SYNGR4: variants seen among roughly 807,000 people sequenced by gnomAD.
The protein encoded by SYNGR4 is synaptogyrin-4.
Under a neutral mutation model 15.5 loss-of-function variants are expected in SYNGR4, and 15 were observed. The observed-to-expected ratio is 0.97, with a 90% CI of 0.65 to 1.49. The LOEUF (loss-of-function observed/expected upper bound fraction) is 1.49. Ranked by LOEUF, SYNGR4 falls within the 40% of genes most tolerant of loss-of-function variation. SYNGR4 has a pLI of 0.00. For synonymous variants in SYNGR4, 121 were observed against 127.4 expected, an observed-to-expected ratio of 0.95 and a Z score of 0.34; for missense variants, 292 against 299.3, an observed-to-expected ratio of 0.98 and a Z score of 0.18.
chr19:48,368,627 G>T lies in SYNGR4; in HGVS notation c.93+2692G>T, dbSNP rs958257915. Among the ~76,000 whole-genome samples, 10 of 152,210 alleles carry T rather than the reference G, an allele frequency of 6.6e-5. No homozygotes were observed. The East Asian group carries it at 1.4e-3, about 21-fold the overall frequency. On this transcript the variant is annotated intron_variant, in intron 2 of 4. Coordinates refer to ENST00000344846, the MANE Select transcript of SYNGR4 (RefSeq NM_012451.4). ...ACTCCTGACCTCAAATGATCCACCC[G>T]CCTCGGCCTTCCAAAGTGTTGGGAT...
In SYNGR4 at chr19:48,373,590, A is replaced by G; in HGVS notation, c.167A>G (p.His56Arg). The G allele has an allele frequency of 6.2e-7, 1 of 1,613,836 alleles. No individual in the cohort carries two copies. Among genetic ancestry groups the G allele is most frequent in the Non-Finnish European group, 8.5e-7 (1 of 1,180,018 alleles). Residue 56 changes from histidine to arginine, a missense_variant, in exon 3 of 5, where the codon CAC becomes CGC. Coordinates refer to ENST00000344846, the MANE Select transcript of SYNGR4 (RefSeq NM_012451.4). ...YQNKMESPQL[H>R]CILNSNSVAC... ...AACAAGATGGAGTCTCCGCAGCTCC[A>G]CTGCATTCTCAACAGCAACAGCGTG...
At chr19:48,375,506 G>A (rs187060176) in intron 3 of SYNGR4, 107 bp from the exon 4 acceptor site, 11 of 1,404,702 alleles carry the variant, frequency 7.8e-6, no homozygotes, top group South Asian at 2.7e-5. Context: ...TCAATACCTC[G>A]TGGAAGTTCG....
Position 48,376,282 on chromosome 19 carries a change from A to G in SYNGR4, c.669A>G (p.Pro223=). The G allele has an allele frequency of 6.2e-7, 1 of 1,612,980 alleles. No individual in the cohort carries two copies. Among genetic ancestry groups the G allele is most frequent in the Non-Finnish European group, 8.5e-7 (1 of 1,179,728 alleles). ...SSALSPCLTA[P]KSPRLAMMPD... The stretch of plus-strand genomic sequence containing the variant: ...CCCTGTCCCCCTGTCTGACCGCTCC[A>G]AAGTCCCCCCGGCTTGCTATGATGC... The change falls in exon 5 of 5, where the codon CCA becomes CCG. Residue 223 remains proline (P), a synonymous_variant. Coordinates refer to ENST00000344846, the MANE Select transcript of SYNGR4 (RefSeq NM_012451.4).
chr19:48,373,255 T>A, intron 2 of SYNGR4: 1 of 500,054 alleles, frequency 2.0e-6, no homozygotes, highest in Admixed American at 3.3e-5. Flanking sequence ...GGAGATGTGC[T>A]GAGGTGGGGA....
rs1970343163 is a variant in SYNGR4, at chr19:48,373,527, T to C, written c.104T>C (p.Leu35Pro). ...ITRVFEGVFS[L>P]IVFSSLLTDG... ...CCTGGAAATCCACAGGTCTTCTCCC[T>C]GATCGTCTTCTCCTCCCTGCTGACC... Residue 35 changes from leucine (L) to proline (P), a missense_variant, in exon 3 of 5, where the codon CTG (leucine) becomes CCG (proline). Physicochemically the swap from Leu to Pro is moderately conservative, Grantham distance 98 (BLOSUM62 -3). Coordinates refer to ENST00000344846, the MANE Select transcript of SYNGR4 (RefSeq NM_012451.4). 3.1e-6 allele frequency: 5 copies of C among 1,613,560 alleles called. No homozygotes were observed. Among genetic ancestry groups the C allele is most frequent in the Non-Finnish European group, 4.2e-6 (5 of 1,179,932 alleles).
chr19:48,371,738 G>A (rs1251756533), intron 2 of SYNGR4, among the ~76,000 whole-genome samples: 1 of 150,762 alleles, frequency 6.6e-6, no homozygotes, highest in African/African-American at 2.4e-5. Flanking sequence ...CCACCACACT[G>A]AGCTAATTTT....
chr19:48,375,580 C>A (rs777829895), intron 3 of SYNGR4, 33 bp from the exon 4 acceptor site: 3 of 1,594,738 alleles, frequency 1.9e-6, no homozygotes, highest in African/African-American at 1.3e-5. Flanking sequence ...TGAGCTTTCC[C>A]CCTGCCCCTT....
At chr19:48,371,364 C>A (rs1358275082) in intron 2 of SYNGR4, among the ~76,000 whole-genome samples, 1 of 151,286 alleles carries the variant, frequency 6.6e-6, no homozygotes, top group African/African-American at 2.4e-5. Context: ...CATCTACACA[C>A]CAGCTCGTCT....
At position 48,373,753 on chromosome 19, in the gene SYNGR4, TG is replaced by T; in HGVS notation, c.331+1del. On this transcript the variant is annotated frameshift_variant and splice_region_variant, in exon 3 of 5. Transcript: ENST00000344846. LOFTEE classifies it high-confidence loss of function. ...AFQLLDFILA[V>X]LWAVVWFMGF... ...TCCAGCTCCTGGACTTCATCCTGGC[TG>T]GTGAGCCCCCAGGACCCCCAACCCA... The T allele has an allele frequency of 6.2e-7, 1 of 1,613,618 alleles. No homozygotes were observed. The highest frequency in any genetic ancestry group is 8.5e-7 in the Non-Finnish European group (1 of 1,179,816).
At position 48,365,851 on chromosome 19, in the gene SYNGR4, C is replaced by A. The variant is rs749786420; in HGVS notation, c.9C>A (p.Ile3=). The A allele has an allele frequency of 2.7e-5, 44 of 1,613,816 alleles. No homozygotes were observed. Among genetic ancestry groups the A allele is most frequent in the Non-Finnish European group, 3.6e-5 (42 of 1,179,982 alleles). Residue 3 remains isoleucine (I), a synonymous_variant, in exon 2 of 5, where the codon ATC becomes ATA. Transcript: ENST00000344846. MH[I]PKSLQELANS... ...AAAGGAAAACAGCTGCCATGCACAT[C>A]CCCAAAAGCCTCCAGGAGCTGGCCA...
chr19:48,375,499 A>G lies in SYNGR4; in HGVS notation c.332-114A>G, dbSNP rs1970387029. ...AAGCTAATAAAAAAAGTATTTTTCA[A>G]TACCTCGTGGAAGTTCGTGCAGCAA... On this transcript the variant is annotated intron_variant, in intron 3 of 4. Coordinates refer to ENST00000344846, the MANE Select transcript of SYNGR4 (RefSeq NM_012451.4). 9 of 1,353,620 alleles carry G rather than the reference A, an allele frequency of 6.6e-6. No homozygotes were observed. In the South Asian group the frequency reaches 1.1e-4, roughly 17 times the overall value. The allele number at this position is 1,353,620 out of a possible 1,614,324, so 83.9% of individuals were successfully genotyped here. A position where few individuals can be genotyped will look rare whatever the true frequency, so the allele number is the denominator to read the frequency against.
intron 3 of SYNGR4, among the ~76,000 whole-genome samples, chr19:48,374,956 A>G (rs531906958): frequency 7.0e-6 from 1 of 143,666 alleles, no homozygotes; most frequent in Non-Finnish European, 1.5e-5. Context: ...AGCCTCGGCA[A>G]CAGAGCGAGA....
chr19:48,370,947 C>T (rs569799387), intron 2 of SYNGR4, among the ~76,000 whole-genome samples: 5 of 152,326 alleles, frequency 3.3e-5, no homozygotes, highest in Admixed American at 6.5e-5. Context: ...CCATCAGCCA[C>T]GTGACCCCAG....
At chr19:48,367,381 C>T (rs1270623835) in intron 2 of SYNGR4, among the ~76,000 whole-genome samples, 1 of 150,442 alleles carries the variant, frequency 6.6e-6, no homozygotes, top group Non-Finnish European at 1.5e-5. Flanking sequence ...TGCAGTGAGC[C>T]GAGATCACAC....
At chr19:48,366,780 TTAAAA>T (rs1334111447) in intron 2 of SYNGR4, among the ~76,000 whole-genome samples, 4 of 152,150 alleles carry the variant, frequency 2.6e-5, no homozygotes, top group African/African-American at 4.8e-5. Context: ...TTTGCACTAA[TTAAAA>T]TAAAAGTCCA....
At position 48,375,864 on chromosome 19, in the gene SYNGR4, C is replaced by T. The variant is rs547338774; in HGVS notation, c.471+112C>T. 1.3e-4 allele frequency: 199 copies of T among 1,529,824 alleles called. No individual in the cohort carries two copies. In the African/African-American group the frequency reaches 2.4e-3, roughly 18 times the overall value. 94.8% of individuals were successfully genotyped at this position (1,529,824 alleles called of 1,614,324 possible). A position where few individuals can be genotyped will look rare whatever the true frequency, so the allele number is the denominator to read the frequency against. On this transcript the variant is annotated intron_variant, in intron 4 of 4. Coordinates refer to ENST00000344846, the MANE Select transcript of SYNGR4 (RefSeq NM_012451.4). Reference sequence around the variant, plus strand: ...CTTAGCTCCCCTGGGGGTCAGGGGTCGGGGGTTCCCCCAGGACTCCACTGG... The same window carrying T: ...CTTAGCTCCCCTGGGGGTCAGGGGTTGGGGGTTCCCCCAGGACTCCACTGG...
At chr19:48,364,818 A>G (rs746776792) in intron 1 of SYNGR4, among the ~76,000 whole-genome samples, 4 of 151,824 alleles carry the variant, frequency 2.6e-5, no homozygotes, top group Non-Finnish European at 4.4e-5. Context: ...CCTAGTCCCC[A>G]GAAAGTCCCA....
chr19:48,370,373 C>T (rs907199834), intron 2 of SYNGR4, among the ~76,000 whole-genome samples: 18 of 152,016 alleles, frequency 1.2e-4, no homozygotes, highest in Non-Finnish European at 2.2e-4. Flanking sequence ...GTCCCAGCTA[C>T]TCAGGAGGCT....
At chr19:48,365,520 C>T (rs1453598752) in intron 1 of SYNGR4, among the ~76,000 whole-genome samples, 1 of 147,994 alleles carries the variant, frequency 6.8e-6, no homozygotes, top group African/African-American at 2.5e-5. Context: ...TGGGACCCAC[C>T]TGCACCCCCA....
Sources: gnomAD v4.1 joint callset for allele counts (sites outside exome capture counted in the v4.1 genomes callset) on GRCh38, gnomAD v4.1.1 for gene constraint, MANE v1.5 for transcripts, NCBI Gene and HGNC (gene_info 2026-07-23, HGNC 2026-07-21) for gene names.